The following TUBGCP5 variants were observed in gnomAD, a reference collection of about 807,000 sequenced individuals.
TUBGCP5 encodes the protein tubulin gamma complex component 5, also known as gamma-tubulin complex component 5.
A neutral mutation model predicts 134.7 loss-of-function variants in TUBGCP5; 98 were observed. The ratio of observed to expected loss-of-function variants is 0.73; its 90% CI spans 0.62 to 0.86. TUBGCP5 has a LOEUF of 0.86. Among genes scored for constraint, TUBGCP5 ranks in the 40% least tolerant of loss-of-function variants. The pLI is 0.00. For missense variants in TUBGCP5, 1,150 were observed against 1,244.8 expected, an observed-to-expected ratio of 0.92 and a Z score of 1.15; for synonymous variants, 456 against 431.4, an observed-to-expected ratio of 1.06 and a Z score of -0.71.
At chr15:23,028,957 T>C (rs2066137002) in intron 6 of TUBGCP5, among the ~76,000 whole-genome samples, 1 of 152,138 alleles carries the variant, frequency 6.6e-6, no homozygotes, top group East Asian at 1.9e-4. Context: ...ATGCTGCATA[T>C]ACGGACAACT....
chr15:22,986,146 A>AT (rs61508793), intron 23 of TUBGCP5, among the ~76,000 whole-genome samples: 28,695 of 139,796 alleles, frequency 0.21, 2,408 homozygotes, highest in Non-Finnish European at 0.23. Context: ...AAAAAAAAAA[A>AT]AAATAATAAT....
In TUBGCP5 at chr15:23,010,072, T is replaced by G. The variant is rs771083799; in HGVS notation, c.2017A>C (p.Arg673=). 6.2e-7 allele frequency: 1 copy of G among 1,614,182 alleles called. No individual in the cohort carries two copies. Among genetic ancestry groups the G allele is most frequent in the Admixed American group, 1.7e-5 (1 of 60,024 alleles). Residue 673 remains arginine (R), a synonymous_variant, in exon 15 of 23, where the codon AGA becomes CGA. Coordinates refer to ENST00000615383, the MANE Select transcript of TUBGCP5 (RefSeq NM_052903.6). ...KFAGGDVCVD[R]SSESVTCQTF... ...TGGCATGTCACAGATTCCGATGATCTATCCACACATACATCACCACCAGCA... is the reference window on the plus strand; with the variant it reads ...TGGCATGTCACAGATTCCGATGATCGATCCACACATACATCACCACCAGCA...
At chr15:23,018,085 T>TA in intron 12 of TUBGCP5, 44 bp from the exon 13 acceptor site, 1 of 1,532,772 alleles carries the variant, frequency 6.5e-7, no homozygotes, top group South Asian at 1.2e-5. Flanking sequence ...TTCTCTTTCT[T>TA]AAAAACAGCA....
rs1188216384 is a variant in TUBGCP5, at chr15:22,999,311, T to C, written c.*509A>G. The C allele has an allele frequency of 6.4e-6, 1 of 156,334 alleles. No homozygotes were observed. Among genetic ancestry groups the C allele is most frequent in the Non-Finnish European group, 1.4e-5 (1 of 70,236 alleles). 9.7% of individuals were successfully genotyped at this position (156,334 alleles called of 1,614,324 possible). A position where few individuals can be genotyped will look rare whatever the true frequency, so the allele number is the denominator to read the frequency against. On this transcript the variant is annotated 3_prime_UTR_variant, in exon 23 of 23. Coordinates refer to ENST00000615383, the MANE Select transcript of TUBGCP5 (RefSeq NM_052903.6). ...AAGAGTAAACAGCCTATATACACTT[T>C]GTACTACTGACACAATTTTATGTAT...
chr15:23,012,817 G>A (rs75447477), intron 13 of TUBGCP5, among the ~76,000 whole-genome samples: 6,729 of 152,268 alleles, frequency 0.044, 376 homozygotes, highest in African/African-American at 0.13. Context: ...ATTAAGAAAT[G>A]CCAGAAGGGC....
chr15:23,019,412 A>C lies in TUBGCP5; in HGVS notation c.1372-78T>G, dbSNP rs771929751. 19 of 882,954 alleles carry C rather than the reference A, an allele frequency of 2.2e-5. No individual in the cohort carries two copies. The African/African-American group carries it at 3.2e-4, about 15-fold the overall frequency. The allele number at this position is 882,954 out of a possible 1,614,324, so 54.7% of individuals were successfully genotyped here. On this transcript the variant is annotated intron_variant, in intron 11 of 22. Coordinates refer to ENST00000615383, the MANE Select transcript of TUBGCP5 (RefSeq NM_052903.6). ...TAAAAGGAGGTTTAAACATTTCTGAAATGCCTTTAAAAAAGTGATCGGATT... is the reference window on the plus strand; with the variant it reads ...TAAAAGGAGGTTTAAACATTTCTGACATGCCTTTAAAAAAGTGATCGGATT...
chr15:23,024,902 A>ATT (rs372317024), intron 8 of TUBGCP5, 72 bp from the exon 9 acceptor site: 679 of 715,568 alleles, frequency 9.5e-4, no homozygotes, highest in South Asian at 1.2e-3. Context: ...TGCCCAGGAC[A>ATT]TTTTTTTTTT....
intron 23 of TUBGCP5, among the ~76,000 whole-genome samples, chr15:22,984,629 T>A (rs577423672): frequency 1.5e-4 from 22 of 148,942 alleles, no homozygotes; most frequent in African/African-American, 5.2e-4. Flanking sequence ...AAAAAAAAAA[T>A]AAAAGAAACT....
At chr15:22,991,297 T>G (rs111558645) in intron 23 of TUBGCP5, among the ~76,000 whole-genome samples, 1,833 of 152,166 alleles carry the variant, frequency 0.012, 28 homozygotes, top group Admixed American at 0.019. Flanking sequence ...GGTTTCACCA[T>G]GTTGGCCAGG....
Position 23,024,718 on chromosome 15 carries a change from A to G in TUBGCP5, c.921+19T>C, listed in dbSNP as rs2065893309. The G allele has an allele frequency of 7.9e-6, 10 of 1,258,070 alleles. No individual in the cohort carries two copies. The highest frequency in any genetic ancestry group is 2.3e-4 in the Middle Eastern group (1 of 4,406). 77.9% of individuals were successfully genotyped at this position (1,258,070 alleles called of 1,614,324 possible). A position where few individuals can be genotyped will look rare whatever the true frequency, so the allele number is the denominator to read the frequency against. On this transcript the variant is annotated intron_variant, in intron 9 of 22. Coordinates refer to ENST00000615383, the MANE Select transcript of TUBGCP5 (RefSeq NM_052903.6). ...CATAAATCCTATTTCTTAAATTACCATAAATACAAATAACTTACATGTGTT... is the reference window on the plus strand; with the variant it reads ...CATAAATCCTATTTCTTAAATTACCGTAAATACAAATAACTTACATGTGTT...
rs776206960 is a variant in TUBGCP5 at position 23,008,685 on chromosome 15, C to T, written c.2327+14G>A. ...GTTACACTAATTTAAATAAAGGTGG[C>T]GTCCATATTTTACCGTGAACTATCT... is the stretch of plus-strand genomic sequence containing the variant. On this transcript the variant is annotated intron_variant, in intron 16 of 22. Coordinates refer to ENST00000615383, the MANE Select transcript of TUBGCP5 (RefSeq NM_052903.6). 19 of 1,603,652 alleles carry T rather than the reference C, an allele frequency of 1.2e-5. No individual in the cohort carries two copies. In the East Asian group the frequency reaches 1.3e-4, roughly 11 times the overall value.
At chr15:23,032,319 C>T (rs1048306855) in intron 4 of TUBGCP5, among the ~76,000 whole-genome samples, 3 of 152,234 alleles carry the variant, frequency 2.0e-5, no homozygotes, top group Non-Finnish European at 2.9e-5. Flanking sequence ...CACCACCCTC[C>T]GCAATGCTCA....
chr15:23,013,635 C>G lies in TUBGCP5; in HGVS notation c.1757-2304G>C, dbSNP rs1474856480. Among the ~76,000 whole-genome samples, 2 of 152,100 alleles carry G rather than the reference C, an allele frequency of 1.3e-5. No homozygotes were observed. The highest frequency in any genetic ancestry group is 2.9e-5 in the Non-Finnish European group (2 of 68,014). ...TAGGGTAAGGGTAAGCAGAAGAAACCCACCAGCCCCCACAAACACCTACAG... is the reference window on the plus strand; with the variant it reads ...TAGGGTAAGGGTAAGCAGAAGAAACGCACCAGCCCCCACAAACACCTACAG... On this transcript the variant is annotated intron_variant, in intron 13 of 22. Coordinates refer to ENST00000615383, the MANE Select transcript of TUBGCP5 (RefSeq NM_052903.6). The surrounding 1 kb of genome is among the most constrained non-coding windows in gnomAD (Gnocchi z 4.5).
chr15:23,010,068 G>C lies in TUBGCP5; in HGVS notation c.2021C>G (p.Ser674Ter). 1 of 1,614,098 alleles carries C rather than the reference G, an allele frequency of 6.2e-7. No individual in the cohort carries two copies. The highest frequency in any genetic ancestry group is 8.5e-7 in the Non-Finnish European group (1 of 1,180,024). Reference protein sequence around the residue: ...FAGGDVCVDRSSESVTCQTFE... With the variant: ...FAGGDVCVDR Reference sequence around the variant, plus strand: ...AGTCTGGCATGTCACAGATTCCGATGATCTATCCACACATACATCACCACC... The same window carrying C: ...AGTCTGGCATGTCACAGATTCCGATCATCTATCCACACATACATCACCACC... The change falls in exon 15 of 23, where the codon TCA becomes TGA. Residue 674 changes from serine (S) to a stop codon, truncating the protein, a stop_gained. Transcript: ENST00000615383. LOFTEE classifies it high-confidence loss of function.
chr15:23,001,583 T>G (rs1312522824), intron 21 of TUBGCP5, among the ~76,000 whole-genome samples: 1 of 152,074 alleles, frequency 6.6e-6, no homozygotes, highest in Non-Finnish European at 1.5e-5. Flanking sequence ...CCTCAGGAGA[T>G]CCGCCCACCT....
chr15:23,024,877 A>G (rs1388174690), intron 8 of TUBGCP5, 47 bp from the exon 9 acceptor site: 2 of 1,193,762 alleles, frequency 1.7e-6, no homozygotes, highest in South Asian at 1.3e-5. Flanking sequence ...GTCTAGAAAA[A>G]TATTCATGAC....
At position 23,024,150 on chromosome 15, in the gene TUBGCP5, T is replaced by C. The variant is rs1362144651; in HGVS notation, c.965A>G (p.Gln322Arg). The C allele has an allele frequency of 6.2e-7, 1 of 1,614,138 alleles. No homozygotes were observed. The highest frequency in any genetic ancestry group is 1.7e-5 in the Admixed American group (1 of 60,012). ...SVLEQIAAYG[Q>R]VVFRLQEFID... ...GAACTCCTGGAGTCGAAACACAACC[T>C]GGCCATATGCTGCTATTTGTTCCAG... The change falls in exon 10 of 23, where the codon CAG (glutamine) becomes CGG (arginine). Residue 322 changes from glutamine (Q) to arginine (R), a missense_variant. This residue lies in a region of TUBGCP5 where 453 missense variants were observed against 394.7 expected (regional missense o/e 1.15). Coordinates refer to ENST00000615383, the MANE Select transcript of TUBGCP5 (RefSeq NM_052903.6).
Position 22,984,576 on chromosome 15 carries a change from T to G in TUBGCP5, c.*62-965A>C, listed in dbSNP as rs34548385. Among the ~76,000 whole-genome samples the G allele has an allele frequency of 3.3e-5, 5 of 151,942 alleles. No homozygotes were observed. In the East Asian group the frequency reaches 9.7e-4, roughly 29 times the overall value. ...CAGAGGTTGCAGTGAGCTGAGATCA[T>G]GCCACTGCACTCCAACCTGGCAACA... On this transcript the variant is annotated intron_variant and NMD_transcript_variant, in intron 23 of 23. Transcript: ENST00000614508.
At chr15:22,999,907 A>C (rs759871799) in intron 22 of TUBGCP5, 41 bp from the exon 23 acceptor site, 1 of 1,605,164 alleles carries the variant, frequency 6.2e-7, no homozygotes, top group Non-Finnish European at 8.5e-7. Flanking sequence ...AATAGGTTTA[A>C]ATGTTGAAAA....
Sources: gnomAD v4.1 joint callset for allele counts (sites outside exome capture counted in the v4.1 genomes callset) on GRCh38, gnomAD v4.1.1 for gene constraint, gnomAD v4.1.1 regional missense constraint, Gnocchi (gnomAD v3.1) non-coding constraint, MANE v1.5 for transcripts, NCBI Gene and HGNC (gene_info 2026-07-23, HGNC 2026-07-21) for gene names.